Variants in ZNF69 observed in about 807,000 individuals in gnomAD.
The protein encoded by ZNF69 is zinc finger protein 69.
ZNF69 carries 47 observed loss-of-function variants against 50.9 expected under a neutral mutation model. The observed-to-expected ratio is 0.92, with a 90% CI of 0.73 to 1.18. The LOEUF (loss-of-function observed/expected upper bound fraction) is 1.18. ZNF69 is among the 50% of genes most tolerant of loss of function. The pLI is 0.00. For missense variants in ZNF69, 717 were observed against 675.1 expected (o/e 1.06, Z -0.69); for synonymous variants, 216 against 223.1 (o/e 0.97, Z 0.29).
the ZNF69 span, chr19:11,979,988 A>G: frequency 8.4e-7 from 1 of 1,184,642 alleles, no homozygotes; most frequent in Non-Finnish European, 1.2e-6. Context: ...CTATGAGTGT[A>G]AGCAATGTGG....
chr19:11,966,104 G>C, the ZNF69 span, among the ~76,000 whole-genome samples: 3 of 152,178 alleles, frequency 2.0e-5, no homozygotes, highest in Admixed American at 2.0e-4. Context: ...TGAATTCCAA[G>C]GCATGACTTA....
chr19:11,973,971 T>A, the ZNF69 span, among the ~76,000 whole-genome samples: 3 of 152,192 alleles, frequency 2.0e-5, no homozygotes, highest in Non-Finnish European at 4.4e-5. Flanking sequence ...GTTCACTGTC[T>A]CCAGCATTTG....
the ZNF69 span, chr19:11,956,558 G>A: frequency 5.0e-6 from 2 of 398,436 alleles, no homozygotes; most frequent in African/African-American, 2.1e-5. Flanking sequence ...TACAAAGAGA[G>A]GTCATTGAAA....
chr19:11,938,072 T>G, the ZNF69 span, among the ~76,000 whole-genome samples: 1 of 151,890 alleles, frequency 6.6e-6, no homozygotes. Flanking sequence ...ATTCTTGTCG[T>G]TTTTTGTTCG....
chr19:11,962,368 A>G, the ZNF69 span, among the ~76,000 whole-genome samples: 2 of 152,204 alleles, frequency 1.3e-5, no homozygotes, highest in African/African-American at 4.8e-5. Flanking sequence ...CACTTGTTCA[A>G]TACAAGACTT....
downstream of ZNF69, among the ~76,000 whole-genome samples, chr19:11,916,577 T>G (rs987958694): frequency 1.3e-5 from 2 of 152,182 alleles, no homozygotes; most frequent in African/African-American, 4.8e-5. Flanking sequence ...ATCATGCTAC[T>G]GCACTCCAGC....
chr19:11,929,688 A>G, the ZNF69 span, among the ~76,000 whole-genome samples: 4 of 148,018 alleles, frequency 2.7e-5, no homozygotes, highest in African/African-American at 1.1e-4. Flanking sequence ...CACACTTTCC[A>G]GGGCAACTGG....
chr19:11,888,243 C>G (rs944515486), intron 1 of ZNF69, among the ~76,000 whole-genome samples: 35 of 152,360 alleles, frequency 2.3e-4, no homozygotes, highest in African/African-American at 8.4e-4. Context: ...GCGCCCGCAG[C>G]CACGCGTCTA....
the ZNF69 span, among the ~76,000 whole-genome samples, chr19:11,951,020 G>A: frequency 3.2e-4 from 49 of 151,332 alleles, no homozygotes; most frequent in East Asian, 6.0e-4. Flanking sequence ...GCATGGTGGC[G>A]CGCACCGGTA....
At chr19:11,948,602 C>G in the ZNF69 span, 2 of 1,610,264 alleles carry the variant, frequency 1.2e-6, no homozygotes, top group Admixed American at 1.7e-5. Context: ...GGAGAGAAAC[C>G]CTATGCTTGT....
the ZNF69 span, among the ~76,000 whole-genome samples, chr19:11,919,992 A>C: frequency 6.6e-6 from 1 of 152,146 alleles, no homozygotes; most frequent in South Asian, 2.1e-4. Flanking sequence ...AATGTCTCCA[A>C]ATCTTCTACT....
downstream of ZNF69, among the ~76,000 whole-genome samples, chr19:11,909,955 TA>T (rs2145250917): frequency 6.6e-6 from 1 of 151,192 alleles, no homozygotes; most frequent in South Asian, 2.1e-4. Context: ...CTTAAGCTGA[TA>T]AGCAACTTCA....
the ZNF69 span, among the ~76,000 whole-genome samples, chr19:11,920,077 C>T: frequency 1.2e-4 from 18 of 151,228 alleles, no homozygotes; most frequent in Admixed American, 4.0e-4. Flanking sequence ...TAGCCCATAA[C>T]GACTTGGGAC....
At position 11,906,360 on chromosome 19, in the gene ZNF69, A is replaced by G; in HGVS notation, c.*262A>G. ...CCAGCATGGAGTTTGAGATCTAAGA[A>G]TGGACAGTCTGCCTCCTCAAGTGGG... is the stretch of plus-strand genomic sequence containing the variant. On this transcript the variant is annotated 3_prime_UTR_variant, in exon 4 of 4. Coordinates refer to ENST00000429654, the MANE Select transcript of ZNF69 (RefSeq NM_001364730.1). 1 of 941,322 alleles carries G rather than the reference A, an allele frequency of 1.1e-6. No individual in the cohort carries two copies. Among genetic ancestry groups the G allele is most frequent in the Non-Finnish European group, 1.4e-6 (1 of 723,282 alleles). 58.3% of individuals were successfully genotyped at this position (941,322 alleles called of 1,614,324 possible). A position where few individuals can be genotyped will look rare whatever the true frequency, so the allele number is the denominator to read the frequency against.
the ZNF69 span, among the ~76,000 whole-genome samples, chr19:11,935,548 A>G: frequency 1.3e-5 from 2 of 151,220 alleles, no homozygotes; most frequent in Admixed American, 1.3e-4. Context: ...TTCTTTTTTG[A>G]TTGGTTGTTT....
At chr19:11,916,113 A>G (rs1272951608), downstream of ZNF69, among the ~76,000 whole-genome samples, 1 of 152,178 alleles carries the variant, frequency 6.6e-6, no homozygotes, top group Non-Finnish European at 1.5e-5. Flanking sequence ...CTTTTTCCAG[A>G]CATTCTAGTG....
chr19:11,976,774 G>T, the ZNF69 span: 2 of 842,834 alleles, frequency 2.4e-6, no homozygotes, highest in Non-Finnish European at 3.2e-6. Flanking sequence ...GCTGAGGCAG[G>T]AGAATCGCTT....
At chr19:11,951,330 G>T in the ZNF69 span, among the ~76,000 whole-genome samples, 1,897 of 150,622 alleles carry the variant, frequency 0.013, 23 homozygotes, top group South Asian at 0.025. Flanking sequence ...CTAGGTTCAA[G>T]TGATTCTCCT....
the ZNF69 span, chr19:11,948,638 T>C: frequency 5.6e-6 from 9 of 1,611,016 alleles, no homozygotes; most frequent in Non-Finnish European, 7.6e-6. Flanking sequence ...ACCTTTATTT[T>C]CCATTCAAGC....
Sources: gnomAD v4.1 joint callset for allele counts (sites outside exome capture counted in the v4.1 genomes callset) on GRCh38, gnomAD v4.1.1 for gene constraint, MANE v1.5 for transcripts, NCBI Gene and HGNC (gene_info 2026-07-23, HGNC 2026-07-21) for gene names.